Variants in HNF1B observed in about 807,000 individuals in gnomAD.
HNF1B encodes HNF1 homeobox B.
In HNF1B, 8 loss-of-function variants were observed where a neutral mutation model predicts 61.7. The ratio of observed to expected loss-of-function variants is 0.13; its 90% CI spans 0.08 to 0.23. The LOEUF (loss-of-function observed/expected upper bound fraction) is 0.23, where lower values mean the gene tolerates loss of function less well. Ranked by LOEUF, HNF1B falls within the 10% of genes least tolerant of loss-of-function variation. HNF1B has a pLI of 1.00. For missense variants in HNF1B, 562 were observed against 714.5 expected (o/e 0.79, Z 2.43); for synonymous variants, 314 against 287.7 (o/e 1.09, Z -0.93).
At chr17:37,728,242 T>C (rs1233107094) in intron 4 of HNF1B, among the ~76,000 whole-genome samples, 1 of 151,946 alleles carries the variant, frequency 6.6e-6, no homozygotes, top group East Asian at 1.9e-4. Flanking sequence ...CCTCAAGTGA[T>C]CTGCCTGCCT....
At chr17:37,703,184 G>A (rs988015324) in intron 6 of HNF1B, among the ~76,000 whole-genome samples, 3 of 152,216 alleles carry the variant, frequency 2.0e-5, no homozygotes, top group Admixed American at 6.5e-5. Context: ...CTGTGTCTCA[G>A]CAGTCTTCTG....
Position 37,733,716 on chromosome 17 carries a change from C to G in HNF1B, c.650G>C (p.Gly217Ala), listed in dbSNP as rs371094383. The change falls in exon 3 of 9, where the codon GGG becomes GCG. Residue 217 changes from glycine to alanine, a missense_variant. By Grantham distance (60) the Gly-to-Ala change is moderately conservative. This residue lies in a region of HNF1B where 69 missense variants were observed against 81.2 expected (regional missense o/e 0.85). Transcript: ENST00000617811. ...CTCAGAGCAGGCATCATCGGACTGCCCAGGCCCATGGCTCTGTTGACTGAA... is the reference window on the plus strand; with the variant it reads ...CTCAGAGCAGGCATCATCGGACTGCGCAGGCCCATGGCTCTGTTGACTGAA... Reference protein sequence around the residue: ...PEFSQQSHGPGQSDDACSEPT... With the variant: ...PEFSQQSHGPAQSDDACSEPT... 3.1e-6 allele frequency: 5 copies of G among 1,614,186 alleles called. No homozygotes were observed. The highest frequency in any genetic ancestry group is 3.4e-6 in the Non-Finnish European group (4 of 1,180,040).
intron 1 of HNF1B, among the ~76,000 whole-genome samples, chr17:37,743,719 A>T (rs937793194): frequency 4.6e-5 from 7 of 152,194 alleles, no homozygotes; most frequent in African/African-American, 1.7e-4. Flanking sequence ...GAGGACCCAC[A>T]AACGATCCCG....
chr17:37,718,841 TCTGA>T (rs1439321905), intron 4 of HNF1B, among the ~76,000 whole-genome samples: 14 of 152,276 alleles, frequency 9.2e-5, no homozygotes, highest in Non-Finnish European at 1.8e-4. Flanking sequence ...ATGCTTAAAC[TCTGA>T]CTGATGACTC....
chr17:37,741,658 G>GA (rs1234480422), intron 1 of HNF1B, among the ~76,000 whole-genome samples: 5 of 152,184 alleles, frequency 3.3e-5, no homozygotes, highest in Non-Finnish European at 5.9e-5. Context: ...AACCTTAGGG[G>GA]AAAAATTGCA....
chr17:37,698,629 T>C (rs1046420339), intron 8 of HNF1B, among the ~76,000 whole-genome samples: 14 of 152,186 alleles, frequency 9.2e-5, no homozygotes, highest in African/African-American at 2.9e-4. Flanking sequence ...GGAATCAGCC[T>C]CAGGACCTCT....
intron 8 of HNF1B, 145 bp downstream of exon 8, chr17:37,698,931 C>T (rs1439591332): frequency 4.1e-6 from 3 of 734,322 alleles, no homozygotes; most frequent in East Asian, 5.2e-5. Context: ...TGCCCTGGGA[C>T]CTTAAGGATT....
chr17:37,693,210 A>G (rs1256691734), intron 8 of HNF1B, among the ~76,000 whole-genome samples: 4 of 150,934 alleles, frequency 2.7e-5, no homozygotes, highest in African/African-American at 9.8e-5. Context: ...AAAAAAAAAA[A>G]AAAGAGTCAC....
chr17:37,730,238 C>T (rs1302529572), intron 4 of HNF1B: 1 of 152,844 alleles, frequency 6.5e-6, no homozygotes, highest in Non-Finnish European at 1.5e-5. Context: ...GGCAAGCACA[C>T]TGGTACTGCT....
intron 8 of HNF1B, among the ~76,000 whole-genome samples, chr17:37,693,396 A>G (rs1044934598): frequency 2.6e-5 from 4 of 152,136 alleles, no homozygotes. Context: ...GTCTCCCAAC[A>G]GGGAATTAAC....
At chr17:37,697,248 G>C (rs1405225404) in intron 8 of HNF1B, among the ~76,000 whole-genome samples, 1 of 152,200 alleles carries the variant, frequency 6.6e-6, no homozygotes, top group Non-Finnish European at 1.5e-5. Flanking sequence ...TGCCACGTGA[G>C]TATTTTTCAT....
At chr17:37,697,262 T>C (rs895508764) in intron 8 of HNF1B, among the ~76,000 whole-genome samples, 1 of 152,212 alleles carries the variant, frequency 6.6e-6, no homozygotes, top group Non-Finnish European at 1.5e-5. Flanking sequence ...TTTTCATCCT[T>C]ACTGAGTGTA....
At position 37,731,809 on chromosome 17, in the gene HNF1B, C is replaced by G. The variant is rs199797518; in HGVS notation, c.831G>C (p.Gly277=). 2 of 1,613,334 alleles carry G rather than the reference C, an allele frequency of 1.2e-6. No homozygotes were observed. Among genetic ancestry groups the G allele is most frequent in the Non-Finnish European group, 1.7e-6 (2 of 1,179,632 alleles). The change falls in exon 4 of 9, where the codon GGG becomes GGC. Residue 277 remains glycine, a synonymous_variant. Coordinates refer to ENST00000617811, the MANE Select transcript of HNF1B (RefSeq NM_000458.4). The part of the protein sequence containing the change: ...ECNRAECLQR[G]VSPSKAHGLG... ...GGCCGTGGGCTTTGGAGGGGGACACCCCTCGCTGCAAACATTCTGCCCTGG... is the reference window on the plus strand; with the variant it reads ...GGCCGTGGGCTTTGGAGGGGGACACGCCTCGCTGCAAACATTCTGCCCTGG...
intron 5 of HNF1B, 97 bp downstream of exon 5, chr17:37,710,406 A>G: frequency 6.7e-7 from 1 of 1,486,364 alleles, no homozygotes; most frequent in South Asian, 1.1e-5. Flanking sequence ...ATGGGGCTAC[A>G]ATGGTTCATT....
At chr17:37,702,861 T>A (rs2147451978) in intron 6 of HNF1B, among the ~76,000 whole-genome samples, 1 of 152,334 alleles carries the variant, frequency 6.6e-6, no homozygotes, top group Middle Eastern at 3.4e-3. Context: ...ATTCCAGGAT[T>A]GAGAGCCTCT....
Position 37,733,751 on chromosome 17 carries a change from G to C in HNF1B, c.615C>G (p.Leu205=). The part of the protein sequence containing the change: ...DKSSQDQLLF[L]FPEFSQQSHG... ...GGCTCTGTTGACTGAACTCTGGAAA[G>C]AGAAACAGCAGCTGATCCTGACTGC... The change falls in exon 3 of 9, where the codon CTC becomes CTG. Residue 205 remains leucine, a synonymous_variant. Coordinates refer to ENST00000617811, the MANE Select transcript of HNF1B (RefSeq NM_000458.4). The C allele has an allele frequency of 1.2e-6, 2 of 1,614,244 alleles. No homozygotes were observed. The highest frequency in any genetic ancestry group is 1.7e-6 in the Non-Finnish European group (2 of 1,180,052).
intron 7 of HNF1B, among the ~76,000 whole-genome samples, chr17:37,700,735 TTCA>T (rs1369489479): frequency 1.3e-5 from 2 of 152,178 alleles, no homozygotes. Context: ...CCAATTCCCC[TTCA>T]TCTGTAGGCC....
chr17:37,704,364 C>T (rs1390873108), intron 6 of HNF1B, among the ~76,000 whole-genome samples: 2 of 152,166 alleles, frequency 1.3e-5, no homozygotes, highest in African/African-American at 4.8e-5. Context: ...ATGGCAGTTT[C>T]CCTCTGGATC....
intron 4 of HNF1B, among the ~76,000 whole-genome samples, chr17:37,728,376 T>G (rs555493443): frequency 2.8e-4 from 42 of 151,198 alleles, no homozygotes; most frequent in Non-Finnish European, 4.9e-4. Context: ...GCGTGATCTC[T>G]GCTCCCTGCA....
Sources: allele counts gnomAD v4.1 joint callset (sites outside exome capture counted in the v4.1 genomes callset), GRCh38; gene constraint gnomAD v4.1.1; regional missense constraint gnomAD v4.1.1; transcripts MANE v1.5; gene names NCBI Gene and HGNC (gene_info 2026-07-23, HGNC 2026-07-21).